PCDHGB4: variants seen among roughly 807,000 people sequenced by gnomAD.
PCDHGB4 encodes the protein protocadherin gamma subfamily B, 4.
Under a neutral mutation model 60.5 loss-of-function variants are expected in PCDHGB4, and 38 were observed. The ratio of observed to expected loss-of-function variants is 0.63; its 90% CI spans 0.48 to 0.82. PCDHGB4 has a LOEUF of 0.82. Ranked by LOEUF, PCDHGB4 falls within the 40% of genes least tolerant of loss-of-function variation. The probability of loss-of-function intolerance (pLI) is 0.00; values close to 1 mark genes in which losing one functional copy is unlikely to be tolerated. For synonymous variants in PCDHGB4, 456 were observed against 509.7 expected, an observed-to-expected ratio of 0.89 and a Z score of 1.42; for missense variants, 1,109 against 1,209.6, an observed-to-expected ratio of 0.92 and a Z score of 1.23.
chr5:141,511,560 T>C lies in PCDHGB4; in HGVS notation c.*387T>C. ...CCACCCCACTCCAACAGTTCCTCTT[T>C]CCCGAGTAAGGTGGTTGGGGTGTTG... On this transcript the variant is annotated 3_prime_UTR_variant, in exon 4 of 4. Coordinates refer to ENST00000519479, the MANE Select transcript of PCDHGB4 (RefSeq NM_003736.4). The C allele has an allele frequency of 3.3e-6, 1 of 298,990 alleles. No homozygotes were observed. The highest frequency in any genetic ancestry group is 3.7e-5 in the South Asian group (1 of 27,250). The allele number at this position is 298,990 out of a possible 1,614,324, so 18.5% of individuals were successfully genotyped here.
Position 141,486,563 on chromosome 5 carries a change from G to T in PCDHGB4, c.2398-8244G>T, listed in dbSNP as rs558244990. Reference sequence around the variant, plus strand: ...CTTTCAGAGGTCACATGAGGTGTTTGTTCCTGAGAACAATCGCCCAGGGGA... The same window carrying T: ...CTTTCAGAGGTCACATGAGGTGTTTTTTCCTGAGAACAATCGCCCAGGGGA... On this transcript the variant is annotated intron_variant, in intron 1 of 3. Transcript: ENST00000519479. The surrounding 1 kb of genome is among the most constrained non-coding windows in gnomAD (Gnocchi z 5.0). The T allele has an allele frequency of 4.3e-6, 7 of 1,614,006 alleles. No individual in the cohort carries two copies. The highest frequency in any genetic ancestry group is 4.0e-5 in the African/African-American group (3 of 75,054).
chr5:141,409,729 G>GCAGAGC (rs1178571616), intron 1 of PCDHGB4: 2 of 1,612,966 alleles, frequency 1.2e-6, no homozygotes, highest in African/African-American at 2.7e-5. Context: ...CAGTGAGCGC[G>GCAGAGC]CAGAGCGGGG....
chr5:141,475,167 G>A (rs529813171), intron 1 of PCDHGB4, among the ~76,000 whole-genome samples: 4 of 152,042 alleles, frequency 2.6e-5, no homozygotes, highest in Admixed American at 6.6e-5. Flanking sequence ...CATTAGCAGT[G>A]CAACTTCTTG....
chr5:141,398,914 C>G, intron 1 of PCDHGB4: 1 of 1,613,964 alleles, frequency 6.2e-7, no homozygotes, highest in Non-Finnish European at 8.5e-7. Flanking sequence ...CACTGTGTTG[C>G]AAGTGTCAGC....
At position 141,476,591 on chromosome 5, in the gene PCDHGB4, G is replaced by C. The variant is rs200254399; in HGVS notation, c.2398-18216G>C. The C allele has an allele frequency of 6.2e-7, 1 of 1,614,230 alleles. No homozygotes were observed. Among genetic ancestry groups the C allele is most frequent in the East Asian group, 2.2e-5 (1 of 44,870 alleles). On this transcript the variant is annotated intron_variant, in intron 1 of 3. Coordinates refer to ENST00000519479, the MANE Select transcript of PCDHGB4 (RefSeq NM_003736.4). This position sits in a 1 kb window ranked among gnomAD's most constrained non-coding sequence, Gnocchi z 7.6. ...GGGGACGCGCTTTCCGCTCGAGAGCGCGCACGATCCCGATGTGGGAAGCAA... is the reference window on the plus strand; with the variant it reads ...GGGGACGCGCTTTCCGCTCGAGAGCCCGCACGATCCCGATGTGGGAAGCAA...
Position 141,491,103 on chromosome 5 carries a change from G to C in PCDHGB4, c.2398-3704G>C. 1 of 1,614,162 alleles carries C rather than the reference G, an allele frequency of 6.2e-7. No individual in the cohort carries two copies. Among genetic ancestry groups the C allele is most frequent in the South Asian group, 1.1e-5 (1 of 91,082 alleles). On this transcript the variant is annotated intron_variant, in intron 1 of 3. Transcript: ENST00000519479. The surrounding 1 kb of genome is among the most constrained non-coding windows in gnomAD (Gnocchi z 6.9). ...CCACAGCCCCAGGACTGTTCCTCGT[G>C]TCTACACACACTGGTGAGGTGCGCA... is the stretch of plus-strand genomic sequence containing the variant.
Position 141,494,864 on chromosome 5 carries a change from G to T in PCDHGB4, c.2455G>T (p.Gly819Cys), listed in dbSNP as rs773899530. 12 of 1,613,950 alleles carry T rather than the reference G, an allele frequency of 7.4e-6. No individual in the cohort carries two copies. Among genetic ancestry groups the T allele is most frequent in the South Asian group, 1.1e-5 (1 of 91,080 alleles). ...TCAGGCCCAGAGACCCGGCACCAGC[G>T]GGTAGGTGACTGATTCTCCAGCCCA... Reference protein sequence around the residue: ...FSQAQRPGTSGSQNGDDTGTW... With the variant: ...FSQAQRPGTSCSQNGDDTGTW... Residue 819 changes from glycine to cysteine, a missense_variant and splice_region_variant, in exon 2 of 4, where the codon GGC becomes TGC. Physicochemically the swap from Gly to Cys is radical, Grantham distance 159 (BLOSUM62 -3). Around this residue, in one of 2 missense-constraint regions of PCDHGB4, gnomAD observed 1,068 missense variants for 1,089.9 expected, o/e 0.98. Coordinates refer to ENST00000519479, the MANE Select transcript of PCDHGB4 (RefSeq NM_003736.4).
At chr5:141,395,078 G>C in intron 1 of PCDHGB4, 1 of 1,614,126 alleles carries the variant, frequency 6.2e-7, no homozygotes, top group Non-Finnish European at 8.5e-7. Flanking sequence ...CCTATTCCCA[G>C]GAAGTCTCCC....
At chr5:141,404,524 G>A (rs368795324) in intron 1 of PCDHGB4, 2 of 1,613,820 alleles carry the variant, frequency 1.2e-6, no homozygotes, top group African/African-American at 1.3e-5. Context: ...ACTATGAGCA[G>A]TTTAGAGATT....
In PCDHGB4 at chr5:141,415,024, G is replaced by A. The variant is rs1272655664; in HGVS notation, c.2397+24743G>A. On this transcript the variant is annotated intron_variant, in intron 1 of 3. Coordinates refer to ENST00000519479, the MANE Select transcript of PCDHGB4 (RefSeq NM_003736.4). ...GTCCTACCGTCTGCTCAAGGCCAGC[G>A]AGCCGGGACTCTTCGCGGTGGGGGA... 4.3e-6 allele frequency: 7 copies of A among 1,613,450 alleles called. 1 individual carries two copies. The highest frequency in any genetic ancestry group is 3.3e-5 in the Admixed American group (2 of 60,002).
Position 141,489,842 on chromosome 5 carries a change from A to T in PCDHGB4, c.2398-4965A>T. ...GAGCTGGTGCTAGAGCAGCAGCTGGATCGTGAAGCCCAGGCAAGACATCAG... is the reference window on the plus strand; with the variant it reads ...GAGCTGGTGCTAGAGCAGCAGCTGGTTCGTGAAGCCCAGGCAAGACATCAG... On this transcript the variant is annotated intron_variant, in intron 1 of 3. Coordinates refer to ENST00000519479, the MANE Select transcript of PCDHGB4 (RefSeq NM_003736.4). The surrounding 1 kb of genome is among the most constrained non-coding windows in gnomAD (Gnocchi z 4.5). 6.2e-7 allele frequency: 1 copy of T among 1,614,186 alleles called. No homozygotes were observed. Among genetic ancestry groups the T allele is most frequent in the South Asian group, 1.1e-5 (1 of 91,086 alleles).
intron 1 of PCDHGB4, among the ~76,000 whole-genome samples, chr5:141,472,119 A>C (rs1015212535): frequency 6.6e-6 from 1 of 152,240 alleles, no homozygotes; most frequent in African/African-American, 2.4e-5. Context: ...AAAGAAAATA[A>C]AAGAGAAGTT....
intron 1 of PCDHGB4, chr5:141,410,361 G>A: frequency 1.9e-6 from 3 of 1,614,034 alleles, no homozygotes; most frequent in Non-Finnish European, 2.5e-6. Context: ...CGCTCTCTCA[G>A]CCCTGCTACT....
At chr5:141,393,602 T>G in intron 1 of PCDHGB4, 1 of 1,613,892 alleles carries the variant, frequency 6.2e-7, no homozygotes, top group Non-Finnish European at 8.5e-7. Context: ...GGCTGCTTAC[T>G]GTAACAGCCA....
At chr5:141,418,874 G>A (rs2096295785) in intron 1 of PCDHGB4, 1 of 1,614,024 alleles carries the variant, frequency 6.2e-7, no homozygotes, top group East Asian at 2.2e-5. Context: ...AGAAGTTGTA[G>A]ACGAAAACGA....
chr5:141,466,037 G>T (rs1204301031), intron 1 of PCDHGB4, among the ~76,000 whole-genome samples: 1 of 152,056 alleles, frequency 6.6e-6, no homozygotes, highest in African/African-American at 2.4e-5. Flanking sequence ...CAGGAGAACG[G>T]CATGAACCCA....
intron 1 of PCDHGB4, among the ~76,000 whole-genome samples, chr5:141,447,895 G>A (rs931589569): frequency 1.3e-5 from 2 of 152,068 alleles, no homozygotes; most frequent in Non-Finnish European, 2.9e-5. Context: ...AGACCAGCCT[G>A]GCCAACATGG....
At chr5:141,419,747 C>T (rs1322393151) in intron 1 of PCDHGB4, 3 of 1,613,840 alleles carry the variant, frequency 1.9e-6, no homozygotes, top group Admixed American at 1.7e-5. Context: ...GCGCATGGTG[C>T]GTGCTTTGGG....
intron 1 of PCDHGB4, chr5:141,404,757 C>T (rs759444247): frequency 3.1e-6 from 5 of 1,613,918 alleles, no homozygotes; most frequent in Non-Finnish European, 4.2e-6. Flanking sequence ...GGCCAGAATG[C>T]TTGGCTCTCC....
Sources: allele counts gnomAD v4.1 joint callset (sites outside exome capture counted in the v4.1 genomes callset), GRCh38; gene constraint gnomAD v4.1.1; regional missense constraint gnomAD v4.1.1; non-coding constraint Gnocchi (gnomAD v3.1); transcripts MANE v1.5; gene names NCBI Gene and HGNC (gene_info 2026-07-23, HGNC 2026-07-21).